Variants in ATF7 observed in about 807,000 individuals in gnomAD.
The protein encoded by ATF7 is activating transcription factor 7.
Under a neutral mutation model 50.4 loss-of-function variants are expected in ATF7, and 10 were observed. The ratio of observed to expected loss-of-function variants is 0.20; its 90% confidence interval spans 0.12 to 0.34. The LOEUF (loss-of-function observed/expected upper bound fraction) is 0.34, where lower values mean the gene tolerates loss of function less well. ATF7 is among the 10% of genes least tolerant of loss of function. ATF7 has a pLI of 1.00. For synonymous variants in ATF7, 201 were observed against 226.4 expected (o/e 0.89, Z 1.01); for missense variants, 465 against 613.9 (o/e 0.76, Z 2.56).
intron 2 of ATF7, among the ~76,000 whole-genome samples, chr12:53,573,156 T>C (rs1941867728): frequency 6.6e-6 from 1 of 152,208 alleles, no homozygotes; most frequent in African/African-American, 2.4e-5. Flanking sequence ...ATATAACTTT[T>C]ATTACAGTAT....
chr12:53,595,111 G>A (rs1382207141), intron 2 of ATF7, among the ~76,000 whole-genome samples: 1 of 152,038 alleles, frequency 6.6e-6, no homozygotes. Context: ...CTTACCAGAT[G>A]GGAACTAGAT....
chr12:53,574,070 T>A (rs1175890779), intron 2 of ATF7, among the ~76,000 whole-genome samples: 1 of 152,152 alleles, frequency 6.6e-6, no homozygotes, highest in Non-Finnish European at 1.5e-5. Context: ...GTAAGTCATA[T>A]TAAAAGGCAA....
At chr12:53,569,824 A>G (rs12581179) in intron 2 of ATF7, among the ~76,000 whole-genome samples, 10,670 of 152,066 alleles carry the variant, frequency 0.07, 571 homozygotes, top group East Asian at 0.22. Context: ...GACCACAAGC[A>G]TGTGCCACCA....
At chr12:53,575,791 G>T in intron 2 of ATF7, 1 of 153,990 alleles carries the variant, frequency 6.5e-6, no homozygotes. Context: ...CTTGTGAAAG[G>T]AGTGTGGGTA....
At chr12:53,553,156 C>T (rs1051067462) in intron 2 of ATF7, among the ~76,000 whole-genome samples, 14 of 152,168 alleles carry the variant, frequency 9.2e-5, no homozygotes, top group Admixed American at 9.2e-4. Flanking sequence ...TACAGTGCTG[C>T]AGCAGGCGCC....
chr12:53,531,366 G>A (rs1338942902), intron 9 of ATF7, among the ~76,000 whole-genome samples: 1 of 150,212 alleles, frequency 6.7e-6, no homozygotes, highest in Non-Finnish European at 1.5e-5. Context: ...AGGTTGCAGT[G>A]AGCTGAGACT....
rs757922268 is a variant in ATF7 at position 53,523,260 on chromosome 12, G to A, written c.1234+16C>T. The A allele has an allele frequency of 2.6e-6, 4 of 1,557,206 alleles. No homozygotes were observed. Among genetic ancestry groups the A allele is most frequent in the Non-Finnish European group, 3.5e-6 (4 of 1,128,704 alleles). On this transcript the variant is annotated intron_variant, in intron 11 of 11. Coordinates refer to ENST00000420353, the MANE Select transcript of ATF7 (RefSeq NM_006856.3). The stretch of plus-strand genomic sequence containing the variant: ...TTACTGACTGACTGACTTAGCTTAG[G>A]TTGTGTGCCACTCACCTAAATAGCC...
intron 2 of ATF7, among the ~76,000 whole-genome samples, chr12:53,595,079 T>G (rs1943099313): frequency 6.6e-6 from 1 of 152,206 alleles, no homozygotes; most frequent in Admixed American, 6.5e-5. Flanking sequence ...TATTTTCAGC[T>G]GCCTGACAGC....
At chr12:53,580,663 C>CAAAAAA (rs539252431) in intron 2 of ATF7, among the ~76,000 whole-genome samples, 2 of 37,704 alleles carry the variant, frequency 5.3e-5, no homozygotes, top group Admixed American at 2.5e-4. Context: ...GACTCCATCT[C>CAAAAAA]AAAAAAAAAA....
At chr12:53,586,570 T>G (rs904766076) in intron 2 of ATF7, among the ~76,000 whole-genome samples, 1 of 152,196 alleles carries the variant, frequency 6.6e-6, no homozygotes, top group African/African-American at 2.4e-5. Flanking sequence ...AATGTAAGAT[T>G]TGTTATTGTC....
intron 4 of ATF7, 143 bp from the exon 5 acceptor site, chr12:53,537,695 T>C: frequency 1.0e-6 from 1 of 973,172 alleles, no homozygotes; most frequent in South Asian, 1.8e-5. Flanking sequence ...GTCAAATAAA[T>C]GTGGGCCCCT....
intron 2 of ATF7, among the ~76,000 whole-genome samples, chr12:53,582,928 G>A (rs1473631519): frequency 6.6e-6 from 1 of 152,138 alleles, no homozygotes; most frequent in East Asian, 1.9e-4. Flanking sequence ...TCCAGAAATA[G>A]ACCCACATAA....
chr12:53,550,961 C>A (rs1433351082), intron 3 of ATF7, among the ~76,000 whole-genome samples: 1 of 152,172 alleles, frequency 6.6e-6, no homozygotes, highest in African/African-American at 2.4e-5. Context: ...AACTTTATAA[C>A]CTTGCCCCAA....
At chr12:53,529,636 T>G (rs1403409514) in intron 9 of ATF7, among the ~76,000 whole-genome samples, 1 of 146,702 alleles carries the variant, frequency 6.8e-6, no homozygotes, top group Non-Finnish European at 1.5e-5. Context: ...CTACTATTAT[T>G]TATAATATAT....
At chr12:53,542,045 A>C (rs1939583704) in intron 4 of ATF7, among the ~76,000 whole-genome samples, 1 of 145,406 alleles carries the variant, frequency 6.9e-6, no homozygotes, top group African/African-American at 2.5e-5. Context: ...TGGTCTTGTG[A>C]TCTGCTTGCC....
intron 1 of ATF7, among the ~76,000 whole-genome samples, chr12:53,609,397 G>A (rs1460350878): frequency 2.0e-5 from 3 of 150,742 alleles, no homozygotes; most frequent in African/African-American, 7.3e-5. Flanking sequence ...CAGGTGATCT[G>A]CCCGCCTCAG....
At chr12:53,568,128 A>G (rs1941547780) in intron 2 of ATF7, among the ~76,000 whole-genome samples, 1 of 152,218 alleles carries the variant, frequency 6.6e-6, no homozygotes, top group African/African-American at 2.4e-5. Flanking sequence ...TACTGTAAAT[A>G]CTTCCTGATA....
At chr12:53,589,902 T>A (rs1592942220) in intron 2 of ATF7, among the ~76,000 whole-genome samples, 1 of 152,318 alleles carries the variant, frequency 6.6e-6, no homozygotes, top group Non-Finnish European at 1.5e-5. Context: ...TTCTTAACAC[T>A]TACACTTCTC....
chr12:53,561,304 G>C (rs1382704006), intron 2 of ATF7, among the ~76,000 whole-genome samples: 1 of 145,344 alleles, frequency 6.9e-6, no homozygotes, highest in Non-Finnish European at 1.5e-5. Context: ...ACTCCAGCCT[G>C]GTCAACAGAG....
Sources: allele counts gnomAD v4.1 joint callset (sites outside exome capture counted in the v4.1 genomes callset), GRCh38; gene constraint gnomAD v4.1.1; transcripts MANE v1.5; gene names NCBI Gene and HGNC (gene_info 2026-07-23, HGNC 2026-07-21).